The following SLC8A1 variants were observed in gnomAD, a reference collection of about 807,000 sequenced individuals.
The protein encoded by SLC8A1 is solute carrier family 8 member A1.
Under a neutral mutation model 68.3 loss-of-function variants are expected in SLC8A1, and 18 were observed. The ratio of observed to expected loss-of-function variants is 0.26; its 90% confidence interval spans 0.18 to 0.39. The LOEUF (loss-of-function observed/expected upper bound fraction) is 0.39, where lower values mean the gene tolerates loss of function less well. Ranked by LOEUF, SLC8A1 falls within the 10% of genes least tolerant of loss-of-function variation. SLC8A1 has a pLI of 1.00. For synonymous variants in SLC8A1, 475 were observed against 415.5 expected (o/e 1.14, Z -1.74); for missense variants, 985 against 1,156.7 (o/e 0.85, Z 2.15).
intron 6 of SLC8A1, among the ~76,000 whole-genome samples, chr2:40,159,190 T>C (rs2045199730): frequency 6.6e-6 from 1 of 152,234 alleles, no homozygotes. Flanking sequence ...TGCTTTCCTC[T>C]ATGACAAACT....
intron 2 of SLC8A1, among the ~76,000 whole-genome samples, chr2:40,336,160 G>C (rs1459415610): frequency 6.6e-6 from 1 of 152,148 alleles, no homozygotes; most frequent in Non-Finnish European, 1.5e-5. Context: ...GGATGAATTT[G>C]GCCATCCTAA....
At chr2:40,370,317 A>G (rs1455660360) in intron 2 of SLC8A1, among the ~76,000 whole-genome samples, 2 of 152,114 alleles carry the variant, frequency 1.3e-5, no homozygotes, top group African/African-American at 4.8e-5. Context: ...CCAGAACCCT[A>G]GGGAATCAAT....
chr2:40,338,038 A>T (rs1361014526), intron 2 of SLC8A1, among the ~76,000 whole-genome samples: 1 of 152,118 alleles, frequency 6.6e-6, no homozygotes, highest in Non-Finnish European at 1.5e-5. Flanking sequence ...AACTTAGGAA[A>T]TAATGAGGGT....
At chr2:40,364,349 T>A (rs187831461) in intron 2 of SLC8A1, among the ~76,000 whole-genome samples, 4 of 151,908 alleles carry the variant, frequency 2.6e-5, no homozygotes, top group Admixed American at 2.6e-4. Flanking sequence ...TCACTACGAG[T>A]TTGTGTGTGT....
intron 1 of SLC8A1, among the ~76,000 whole-genome samples, chr2:40,449,154 A>C (rs376882272): frequency 1.0e-3 from 149 of 146,426 alleles, no homozygotes; most frequent in Middle Eastern, 3.4e-3. Context: ...ACATTAAAAA[A>C]AAAAAACAAA....
At chr2:40,153,606 C>G (rs2043868700) in intron 6 of SLC8A1, among the ~76,000 whole-genome samples, 1 of 151,994 alleles carries the variant, frequency 6.6e-6, no homozygotes, top group African/African-American at 2.4e-5. Flanking sequence ...TCAAGCATGC[C>G]AGTGATTCCA....
At chr2:40,500,685 T>C (rs1156826818) in intron 1 of SLC8A1, among the ~76,000 whole-genome samples, 1 of 151,954 alleles carries the variant, frequency 6.6e-6, no homozygotes, top group African/African-American at 2.4e-5. Flanking sequence ...TTCATTGATG[T>C]TGATCCAGTG....
At chr2:40,306,800 T>C (rs887702106) in intron 2 of SLC8A1, among the ~76,000 whole-genome samples, 26 of 152,144 alleles carry the variant, frequency 1.7e-4, no homozygotes, top group Admixed American at 6.6e-5. Flanking sequence ...GAAGTAACAT[T>C]TGTGCTCCAA....
chr2:40,200,742 C>T (rs978885797), intron 2 of SLC8A1, among the ~76,000 whole-genome samples: 11 of 151,708 alleles, frequency 7.3e-5, no homozygotes, highest in South Asian at 2.1e-4. Context: ...AAACTATTGC[C>T]GTGAGCCAGA....
chr2:40,191,823 T>G (rs11891921), intron 2 of SLC8A1, among the ~76,000 whole-genome samples: 19,343 of 152,190 alleles, frequency 0.13, 1,350 homozygotes, highest in African/African-American at 0.16. Flanking sequence ...AAAGCGAATC[T>G]TCACCCCTAT....
rs146723030 is a variant in SLC8A1, at chr2:40,309,163, A to C, written c.1808+119310T>G. ...TTAGCTTTTGAGGGGACACATACCAAGGTGACAGTGCTTTAGGTAAATTTT... is the reference window on the plus strand; with the variant it reads ...TTAGCTTTTGAGGGGACACATACCACGGTGACAGTGCTTTAGGTAAATTTT... On this transcript the variant is annotated intron_variant, in intron 2 of 7. Coordinates refer to ENST00000406785, the Ensembl canonical transcript of SLC8A1. Among the ~76,000 whole-genome samples, 15 of 152,328 alleles carry C rather than the reference A, an allele frequency of 9.8e-5. No homozygotes were observed. In the East Asian group the frequency reaches 2.9e-3, roughly 29 times the overall value.
intron 7 of SLC8A1, among the ~76,000 whole-genome samples, chr2:40,134,681 G>C (rs1427193003): frequency 1.3e-5 from 2 of 152,144 alleles, no homozygotes; most frequent in South Asian, 2.1e-4. Context: ...ACTGTCGCTA[G>C]AAGTTATTAG....
At chr2:40,389,978 C>A (rs543553607) in intron 2 of SLC8A1, among the ~76,000 whole-genome samples, 7 of 151,880 alleles carry the variant, frequency 4.6e-5, no homozygotes, top group African/African-American at 1.7e-4. Context: ...ATTCTACCAA[C>A]TAACATGTTA....
chr2:40,379,757 T>C (rs1204583277), intron 2 of SLC8A1, among the ~76,000 whole-genome samples: 2 of 152,072 alleles, frequency 1.3e-5, no homozygotes, highest in Non-Finnish European at 2.9e-5. Context: ...TTTGCTCATT[T>C]TCCCAGAGCC....
chr2:40,215,888 G>T (rs2057395010), intron 2 of SLC8A1, among the ~76,000 whole-genome samples: 1 of 151,938 alleles, frequency 6.6e-6, no homozygotes, highest in Admixed American at 6.6e-5. Flanking sequence ...TCCAAAACCA[G>T]TGGAGATTTG....
At chr2:40,450,736 G>A (rs965985166) in intron 1 of SLC8A1, among the ~76,000 whole-genome samples, 1 of 152,072 alleles carries the variant, frequency 6.6e-6, no homozygotes, top group Non-Finnish European at 1.5e-5. Flanking sequence ...CTGACTAGCA[G>A]GAGAGAGAGA....
chr2:40,159,677 CA>C (rs2045309597), intron 6 of SLC8A1, among the ~76,000 whole-genome samples: 1 of 152,090 alleles, frequency 6.6e-6, no homozygotes, highest in African/African-American at 2.4e-5. Context: ...AGCTTATATG[CA>C]AATTCCAAAT....
At chr2:40,222,576 G>A (rs879684537) in intron 2 of SLC8A1, among the ~76,000 whole-genome samples, 8 of 152,072 alleles carry the variant, frequency 5.3e-5, no homozygotes, top group Non-Finnish European at 2.9e-5. Flanking sequence ...AACTATCAGA[G>A]TGAACAGGCA....
chr2:40,431,454 C>A (rs574194541), intron 1 of SLC8A1, among the ~76,000 whole-genome samples: 2 of 152,212 alleles, frequency 1.3e-5, no homozygotes, highest in African/African-American at 4.8e-5. Context: ...GCACACAAAG[C>A]TTGGTAGGCA....
Sources: gnomAD v4.1 joint callset for allele counts (sites outside exome capture counted in the v4.1 genomes callset) on GRCh38, gnomAD v4.1.1 for gene constraint, MANE v1.5 for transcripts, NCBI Gene and HGNC (gene_info 2026-07-23, HGNC 2026-07-21) for gene names.